Variants in MYH6 observed in about 807,000 individuals in gnomAD.
The protein encoded by MYH6 is myosin heavy chain 6, also known as myosin-6.
A neutral mutation model predicts 223.2 loss-of-function variants in MYH6; 126 were observed. The ratio of observed to expected loss-of-function variants is 0.56; its 90% CI spans 0.49 to 0.65. MYH6 has a LOEUF of 0.65. Ranked by LOEUF, MYH6 falls within the 30% of genes least tolerant of loss-of-function variation. The probability of loss-of-function intolerance (pLI) is 0.00; values close to 1 mark genes in which losing one functional copy is unlikely to be tolerated. For missense variants in MYH6, 2,040 were observed against 2,536.4 expected, an observed-to-expected ratio of 0.80 and a Z score of 4.20; for synonymous variants, 978 against 1,010.2, an observed-to-expected ratio of 0.97 and a Z score of 0.61.
intron 28 of MYH6, among the ~76,000 whole-genome samples, 163 bp from the exon 29 acceptor site, chr14:23,389,218 C>A (rs898320981): frequency 6.6e-6 from 1 of 152,228 alleles, no homozygotes; most frequent in African/African-American, 2.4e-5. Flanking sequence ...TCACCCCATC[C>A]CCTTACGAAT....
Position 23,400,781 on chromosome 14 carries a change from G to A in MYH6, c.1338C>T (p.Ala446=). The A allele has an allele frequency of 1.2e-6, 2 of 1,614,242 alleles. No individual in the cohort carries two copies. Among genetic ancestry groups the A allele is most frequent in the Non-Finnish European group, 1.7e-6 (2 of 1,180,050 alleles). The change falls in exon 13 of 39, where the codon GCC becomes GCT. Residue 446 remains alanine (A), a synonymous_variant. Transcript: ENST00000405093. ...GGCGTGGCTGCTTGGTCTCCAGGGT[G>A]GCGTTGATGCGCGTCACCATCCAGT... ...MFNWMVTRIN[A]TLETKQPRQY...
chr14:23,405,140 A>C lies in MYH6; in HGVS notation c.503-13T>G, dbSNP rs1361320896. On this transcript the variant is annotated splice_polypyrimidine_tract_variant and intron_variant, in intron 5 of 38. Coordinates refer to ENST00000405093, the MANE Select transcript of MYH6 (RefSeq NM_002471.4). The surrounding 1 kb of genome is among the most constrained non-coding windows in gnomAD (Gnocchi z 4.7). Reference sequence around the variant, plus strand: ...TGGTTCTCCCGATCTGGAAGAAAAAAGAGGAGAAGCAATGGGGTCAGGGCT... The same window carrying C: ...TGGTTCTCCCGATCTGGAAGAAAAACGAGGAGAAGCAATGGGGTCAGGGCT... 3.1e-6 allele frequency: 5 copies of C among 1,613,872 alleles called. No individual in the cohort carries two copies. Among genetic ancestry groups the C allele is most frequent in the Non-Finnish European group, 4.2e-6 (5 of 1,180,044 alleles).
chr14:23,398,061 A>G (rs1034937682), intron 15 of MYH6, among the ~76,000 whole-genome samples: 1 of 145,840 alleles, frequency 6.9e-6, no homozygotes, highest in African/African-American at 2.6e-5. Flanking sequence ...TCTGTCACCC[A>G]TGCTGGAGTG....
intron 32 of MYH6, 39 bp from the exon 33 acceptor site, chr14:23,386,662 A>AG: frequency 6.3e-7 from 1 of 1,581,080 alleles, no homozygotes; most frequent in Non-Finnish European, 8.6e-7. Context: ...GACAGGGCAC[A>AG]GGGCAGGGTT....
intron 28 of MYH6, 75 bp from the exon 29 acceptor site, chr14:23,389,130 G>A (rs908996119): frequency 2.0e-6 from 3 of 1,483,790 alleles, no homozygotes; most frequent in Admixed American, 4.3e-5. Flanking sequence ...TTCTTATGTA[G>A]TACTTCAACC....
At chr14:23,382,278 G>A in intron 38 of MYH6, 150 bp downstream of exon 38, 1 of 1,301,538 alleles carries the variant, frequency 7.7e-7, no homozygotes, top group Non-Finnish European at 1.1e-6. Flanking sequence ...GGGCTGTTTT[G>A]AGCAGGAGAG....
rs1891738161 is a variant in MYH6 at position 23,405,034 on chromosome 14, C to T, written c.530+66G>A. On this transcript the variant is annotated intron_variant, in intron 6 of 38. Coordinates refer to ENST00000405093, the MANE Select transcript of MYH6 (RefSeq NM_002471.4). This position sits in a 1 kb window ranked among gnomAD's most constrained non-coding sequence, Gnocchi z 4.7. ...AGCCTTAAACCTCTCCTCCCAACTA[C>T]ACCCTAGGCATCAGCGTGTATGCCC... 2 of 1,610,034 alleles carry T rather than the reference C, an allele frequency of 1.2e-6. No homozygotes were observed. Among genetic ancestry groups the T allele is most frequent in the African/African-American group, 1.3e-5 (1 of 74,804 alleles).
chr14:23,407,179 G>T lies in MYH6; in HGVS notation c.45C>A (p.Tyr15Ter). The T allele has an allele frequency of 6.2e-7, 1 of 1,614,264 alleles. No individual in the cohort carries two copies. Among genetic ancestry groups the T allele is most frequent in the Non-Finnish European group, 8.5e-7 (1 of 1,180,050 alleles). ...GACGCTCCTTCTCTGACTTGCGGAG[G>T]TACTGGGCCGCTGCCCCAAAGTCAG... ...QMADFGAAAQ[Y>*]LRKSEKERLE... The change falls in exon 3 of 39, where the codon TAC becomes TAA. Residue 15 changes from tyrosine to a stop codon, truncating the protein, a stop_gained. Transcript: ENST00000405093. LOFTEE classifies it high-confidence loss of function. The surrounding 1 kb of genome is among the most constrained non-coding windows in gnomAD (Gnocchi z 5.6).
chr14:23,388,655 G>T (rs747303454), intron 29 of MYH6: 1 of 935,710 alleles, frequency 1.1e-6, no homozygotes, highest in Admixed American at 1.7e-5. Flanking sequence ...CGGGCCAAAA[G>T]CTCGCCCGTC....
chr14:23,388,463 C>G, intron 29 of MYH6, 125 bp from the exon 30 acceptor site: 1 of 1,458,720 alleles, frequency 6.9e-7, no homozygotes, highest in East Asian at 2.3e-5. Context: ...CTAGCAGGAG[C>G]TGAGCCTGCT....
At position 23,389,072 on chromosome 14, in the gene MYH6, G is replaced by GGCC; in HGVS notation, c.3979-18_3979-17insGGC. ...GTTCTTCGCCTGGGGAGGGGGGGGGGCACCAGGAGGTGGGAGGGACTCCCT... is the reference window on the plus strand; with the variant it reads ...GTTCTTCGCCTGGGGAGGGGGGGGGGGCCCACCAGGAGGTGGGAGGGACTCCCT... On this transcript the variant is annotated splice_polypyrimidine_tract_variant and intron_variant, in intron 28 of 38. Coordinates refer to ENST00000405093, the MANE Select transcript of MYH6 (RefSeq NM_002471.4). The GGCC allele has an allele frequency of 1.7e-5, 19 of 1,134,882 alleles. No homozygotes were observed. Among genetic ancestry groups the GGCC allele is most frequent in the Non-Finnish European group, 2.2e-5 (17 of 773,908 alleles). 70.3% of individuals were successfully genotyped at this position (1,134,882 alleles called of 1,614,324 possible).
Position 23,384,603 on chromosome 14 carries a change from C to T in MYH6, c.5404G>A (p.Ala1802Thr), listed in dbSNP as rs776846094. ...IKDLQHRLDE[A>T]EQIALKGGKK... Reference sequence around the variant, plus strand: ...CCTCCCTTGAGGGCGATCTGCTCGGCCTCGTCCAGCCGGTGCTGCAGGTCC... The same window carrying T: ...CCTCCCTTGAGGGCGATCTGCTCGGTCTCGTCCAGCCGGTGCTGCAGGTCC... The change falls in exon 36 of 39, where the codon GCC becomes ACC. Residue 1802 changes from alanine to threonine, a missense_variant. Around this residue, in one of 4 missense-constraint regions of MYH6, gnomAD observed 1,203 missense variants for 1,400.2 expected, o/e 0.86. Coordinates refer to ENST00000405093, the MANE Select transcript of MYH6 (RefSeq NM_002471.4). The T allele has an allele frequency of 6.2e-7, 1 of 1,613,844 alleles. No individual in the cohort carries two copies. Among genetic ancestry groups the T allele is most frequent in the Non-Finnish European group, 8.5e-7 (1 of 1,180,050 alleles).
Position 23,396,906 on chromosome 14 carries a change from C to T in MYH6, c.2168+57G>A, listed in dbSNP as rs1290239761. On this transcript the variant is annotated intron_variant, in intron 18 of 38. Coordinates refer to ENST00000405093, the MANE Select transcript of MYH6 (RefSeq NM_002471.4). ...CAGGGTCACCTGCAGATCCCATTCC[C>T]ATCAGGGCAGCCTGGCTCCCCCTGT... 6.8e-6 allele frequency: 11 copies of T among 1,612,530 alleles called. No individual in the cohort carries two copies. The East Asian group carries it at 1.8e-4, about 26-fold the overall frequency.
In MYH6 at chr14:23,383,281, G is replaced by C. The variant is rs1469830047; in HGVS notation, c.5605C>G (p.Leu1869Val). 1.9e-6 allele frequency: 3 copies of C among 1,557,552 alleles called. No individual in the cohort carries two copies. The highest frequency in any genetic ancestry group is 3.5e-5 in the Admixed American group (2 of 56,752). ...ACCTTCAGTTGCAGCTTGTCCACCAGGTCCTGTAGCCGCAGCAGGTTCTTT... is the reference window on the plus strand; with the variant it reads ...ACCTTCAGTTGCAGCTTGTCCACCACGTCCTGTAGCCGCAGCAGGTTCTTT... ...DKKNLLRLQD[L>V]VDKLQLKVKA... Residue 1869 changes from leucine to valine, a missense_variant, in exon 37 of 39, where the codon CTG becomes GTG. Physicochemically the swap from Leu to Val is conservative, Grantham distance 32. Transcript: ENST00000405093.
intron 12 of MYH6, among the ~76,000 whole-genome samples, chr14:23,402,136 G>A (rs184730447): frequency 2.3e-4 from 35 of 152,340 alleles, no homozygotes; most frequent in African/African-American, 6.3e-4. Flanking sequence ...ATGAGCCCAC[G>A]AGGGGCTTAC....
At chr14:23,391,338 G>A (rs1263018924) in intron 25 of MYH6, among the ~76,000 whole-genome samples, 1 of 152,208 alleles carries the variant, frequency 6.6e-6, no homozygotes, top group Non-Finnish European at 1.5e-5. Flanking sequence ...TCTTGGGGAT[G>A]AAGGAGGAGC....
Position 23,393,496 on chromosome 14 carries a change from A to C in MYH6, c.2951T>G (p.Met984Arg). 6.2e-7 allele frequency: 1 copy of C among 1,614,076 alleles called. No homozygotes were observed. Among genetic ancestry groups the C allele is most frequent in the Non-Finnish European group, 8.5e-7 (1 of 1,180,018 alleles). The change falls in exon 23 of 39, where the codon ATG becomes AGG. Residue 984 changes from methionine to arginine, a missense_variant. By Grantham distance (91) the Met-to-Arg change is moderately conservative. Coordinates refer to ENST00000405093, the MANE Select transcript of MYH6 (RefSeq NM_002471.4). ...AGCGATGATTTCATCCAGCCCAGCC[A>C]TCTCCTCTGTTAGGTTCTTCACCTG... ...ENKVKNLTEEMAGLDEIIAKL... is the reference protein window; with the variant it reads ...ENKVKNLTEERAGLDEIIAKL...
At chr14:23,390,909 T>C (rs935075518) in intron 25 of MYH6, among the ~76,000 whole-genome samples, 2 of 152,162 alleles carry the variant, frequency 1.3e-5, no homozygotes, top group African/African-American at 4.8e-5. Context: ...CTCGAAACAA[T>C]CAGATACCTT....
In MYH6 at chr14:23,405,899, C is replaced by T. The variant is rs567648968; in HGVS notation, c.202-129G>A. ...GCTCCCCTTGCTCTGACCAGTGCCC[C>T]GGCCCCTACCCCGATGTCCCCTGGG... On this transcript the variant is annotated intron_variant, in intron 3 of 38. Transcript: ENST00000405093. This position sits in a 1 kb window ranked among gnomAD's most constrained non-coding sequence, Gnocchi z 4.7. 37 of 1,146,806 alleles carry T rather than the reference C, an allele frequency of 3.2e-5. No homozygotes were observed. The highest frequency in any genetic ancestry group is 3.9e-5 in the Non-Finnish European group (30 of 770,742). 71.0% of individuals were successfully genotyped at this position (1,146,806 alleles called of 1,614,324 possible).
Sources: allele counts gnomAD v4.1 joint callset (sites outside exome capture counted in the v4.1 genomes callset), GRCh38; gene constraint gnomAD v4.1.1; regional missense constraint gnomAD v4.1.1; non-coding constraint Gnocchi (gnomAD v3.1); transcripts MANE v1.5; gene names NCBI Gene and HGNC (gene_info 2026-07-23, HGNC 2026-07-21).